Variants in FHIT observed in about 807,000 individuals in gnomAD.
FHIT encodes the protein bis(5'-adenosyl)-triphosphatase.
Under a neutral mutation model 17.9 loss-of-function variants are expected in FHIT, and 19 were observed. That is an observed-to-expected ratio of 1.06 (90% CI 0.74 to 1.56). The LOEUF (loss-of-function observed/expected upper bound fraction) is 1.56. Among genes scored for constraint, FHIT ranks in the 40% most tolerant of loss-of-function variants. The pLI is 0.00. For synonymous variants in FHIT, 81 were observed against 69.7 expected, an observed-to-expected ratio of 1.16 and a Z score of -0.81; for missense variants, 248 against 189.2, an observed-to-expected ratio of 1.31 and a Z score of -1.82.
intron 5 of FHIT, among the ~76,000 whole-genome samples, chr3:60,093,746 G>C (rs1029957020): frequency 3.9e-5 from 6 of 152,176 alleles, no homozygotes; most frequent in African/African-American, 1.4e-4. Flanking sequence ...GGCTCCTTAT[G>C]AGAATTTAAT....
chr3:60,658,143 G>A (rs1353872957), intron 4 of FHIT, among the ~76,000 whole-genome samples: 3 of 151,902 alleles, frequency 2.0e-5, no homozygotes, highest in East Asian at 1.9e-4. Flanking sequence ...CTGTCTCTAC[G>A]ATTTTGAATA....
At chr3:59,812,539 T>C (rs1318374305) in intron 8 of FHIT, among the ~76,000 whole-genome samples, 2 of 152,224 alleles carry the variant, frequency 1.3e-5, no homozygotes, top group African/African-American at 4.8e-5. Context: ...ATGCTTATAT[T>C]TAATGAATCC....
chr3:60,447,433 A>G (rs976591943), intron 5 of FHIT, among the ~76,000 whole-genome samples: 8 of 152,196 alleles, frequency 5.3e-5, no homozygotes, highest in Admixed American at 3.3e-4. Flanking sequence ...TTAGCTTCAA[A>G]TATGATAATA....
intron 5 of FHIT, among the ~76,000 whole-genome samples, chr3:60,313,152 GTA>G (rs748477529): frequency 1.3e-5 from 2 of 152,330 alleles, no homozygotes; most frequent in East Asian, 1.9e-4. Context: ...ACTCACAGAT[GTA>G]TGTTATCCAC....
chr3:60,814,862 C>T (rs1701681733), intron 4 of FHIT, among the ~76,000 whole-genome samples: 1 of 150,062 alleles, frequency 6.7e-6, no homozygotes, highest in Non-Finnish European at 1.5e-5. Context: ...GCAGCCTCAC[C>T]AACATGTGGT....
chr3:60,166,076 T>C (rs149585216), intron 5 of FHIT, among the ~76,000 whole-genome samples: 300 of 152,292 alleles, frequency 2.0e-3, no homozygotes, highest in African/African-American at 6.9e-3. Flanking sequence ...TATTGTGCTC[T>C]TTTTTCTACC....
intron 5 of FHIT, among the ~76,000 whole-genome samples, chr3:60,090,240 C>G (rs147513934): frequency 8.5e-5 from 13 of 152,182 alleles, no homozygotes; most frequent in African/African-American, 2.9e-4. Context: ...TGCATGGTTT[C>G]CCAGTATGAA....
At chr3:60,261,713 C>T (rs376063808) in intron 5 of FHIT, among the ~76,000 whole-genome samples, 2 of 152,028 alleles carry the variant, frequency 1.3e-5, no homozygotes, top group Admixed American at 1.3e-4. Flanking sequence ...GGACACCCCA[C>T]TTTGGCACTG....
At chr3:60,286,812 A>G (rs1167830045) in intron 5 of FHIT, among the ~76,000 whole-genome samples, 1 of 152,178 alleles carries the variant, frequency 6.6e-6, no homozygotes. Flanking sequence ...AATAATCCAG[A>G]GATCAATTTA....
chr3:60,940,496 G>C (rs1053722463), intron 3 of FHIT, among the ~76,000 whole-genome samples: 1 of 151,974 alleles, frequency 6.6e-6, no homozygotes. Flanking sequence ...TTTAAAAATG[G>C]GTTCTGTACT....
At chr3:60,995,426 G>T (rs2030597411) in intron 3 of FHIT, among the ~76,000 whole-genome samples, 1 of 152,146 alleles carries the variant, frequency 6.6e-6, no homozygotes, top group South Asian at 2.1e-4. Context: ...GGGGATCTCA[G>T]ATGAAATTCC....
intron 4 of FHIT, among the ~76,000 whole-genome samples, chr3:60,684,934 A>G (rs2040829120): frequency 6.6e-6 from 1 of 152,160 alleles, no homozygotes; most frequent in Non-Finnish European, 1.5e-5. Flanking sequence ...GATACAAAAA[A>G]TATACTCTGA....
rs567780282 is a variant in FHIT at position 60,902,378 on chromosome 3, G to A, written c.-110-80367C>T. ...CATCCTATTTTATGGATATACCACA[G>A]TTTATTTATCCATGGTAATAGGATT... is the stretch of plus-strand genomic sequence containing the variant. On this transcript the variant is annotated intron_variant, in intron 3 of 9. Transcript: ENST00000492590. Among the ~76,000 whole-genome samples, 5 of 152,252 alleles carry A rather than the reference G, an allele frequency of 3.3e-5. No homozygotes were observed. The South Asian group carries it at 1.0e-3, about 32-fold the overall frequency.
At chr3:60,454,459 A>G (rs1325072694) in intron 5 of FHIT, among the ~76,000 whole-genome samples, 1 of 150,082 alleles carries the variant, frequency 6.7e-6, no homozygotes, top group Non-Finnish European at 1.5e-5. Context: ...ATCTCGGCTC[A>G]CTGCAACCTC....
chr3:60,824,848 T>C (rs1484141147), intron 3 of FHIT, among the ~76,000 whole-genome samples: 1 of 152,172 alleles, frequency 6.6e-6, no homozygotes, highest in African/African-American at 2.4e-5. Flanking sequence ...TCCACCATGA[T>C]TGTGAGGCCA....
chr3:60,234,723 G>A (rs900092578), intron 5 of FHIT, among the ~76,000 whole-genome samples: 3 of 152,180 alleles, frequency 2.0e-5, no homozygotes, highest in African/African-American at 7.2e-5. Flanking sequence ...GTGAAGAAGA[G>A]ATAGCTCTTC....
intron 7 of FHIT, among the ~76,000 whole-genome samples, chr3:59,986,746 T>G (rs1297794986): frequency 9.3e-3 from 4 of 428 alleles, no homozygotes; most frequent in Non-Finnish European, 0.011. Flanking sequence ...ATACATATAT[T>G]TATATATATA....
intron 5 of FHIT, among the ~76,000 whole-genome samples, chr3:60,336,336 C>T (rs865985551): frequency 2.0e-5 from 3 of 152,164 alleles, no homozygotes; most frequent in East Asian, 1.9e-4. Context: ...GACAGGTGAG[C>T]GCCATTTTGG....
chr3:59,882,718 G>A (rs543474123), intron 8 of FHIT, among the ~76,000 whole-genome samples: 1 of 152,156 alleles, frequency 6.6e-6, no homozygotes, highest in East Asian at 1.9e-4. Flanking sequence ...AGATGCCCTG[G>A]CAAATGGTGC....
Sources: gnomAD v4.1 joint callset for allele counts (sites outside exome capture counted in the v4.1 genomes callset) on GRCh38, gnomAD v4.1.1 for gene constraint, MANE v1.5 for transcripts, NCBI Gene and HGNC (gene_info 2026-07-23, HGNC 2026-07-21) for gene names.